Variants in MYT1L observed in about 807,000 individuals in gnomAD.
The protein encoded by MYT1L is myelin transcription factor 1-like protein.
MYT1L carries 12 observed loss-of-function variants against 126.7 expected under a neutral mutation model. The observed-to-expected ratio is 0.09, with a 90% CI of 0.06 to 0.15. MYT1L has a LOEUF of 0.15. Among genes scored for constraint, MYT1L ranks in the 10% least tolerant of loss-of-function variants. The pLI is 1.00. For missense variants in MYT1L, 979 were observed against 1,585.2 expected (o/e 0.62, Z 6.49); for synonymous variants, 541 against 604.2 (o/e 0.90, Z 1.53).
At chr2:2,047,159 T>C (rs1558844488) in intron 4 of MYT1L, among the ~76,000 whole-genome samples, 1 of 152,238 alleles carries the variant, frequency 6.6e-6, no homozygotes, top group East Asian at 1.9e-4. Context: ...CTTTCTACAT[T>C]GTCTTGAACG....
intron 2 of MYT1L, among the ~76,000 whole-genome samples, chr2:2,211,406 G>T (rs1010295460): frequency 4.0e-5 from 6 of 151,316 alleles, no homozygotes; most frequent in Non-Finnish European, 5.9e-5. Context: ...TTCATGTATC[G>T]TTTTTTTTAA....
At chr2:2,019,004 C>T (rs2064744689) in intron 4 of MYT1L, among the ~76,000 whole-genome samples, 2 of 152,106 alleles carry the variant, frequency 1.3e-5, no homozygotes, top group Admixed American at 6.5e-5. Flanking sequence ...CACCTTAGTA[C>T]AATACTAGAT....
chr2:2,168,179 T>A (rs1040483362), intron 3 of MYT1L, among the ~76,000 whole-genome samples: 4 of 151,970 alleles, frequency 2.6e-5, no homozygotes, highest in Non-Finnish European at 5.9e-5. Flanking sequence ...CAGAACGGTG[T>A]GGGCTCAACA....
intron 3 of MYT1L, among the ~76,000 whole-genome samples, chr2:2,151,980 C>T (rs574980422): frequency 4.8e-4 from 73 of 152,198 alleles, no homozygotes; most frequent in African/African-American, 1.4e-3. Flanking sequence ...CACTTGAACC[C>T]GGGAGGCAGA....
chr2:1,884,560 A>G (rs536290789), intron 18 of MYT1L, among the ~76,000 whole-genome samples: 6 of 152,340 alleles, frequency 3.9e-5, no homozygotes, highest in Admixed American at 3.9e-4. Context: ...TCATTGAAAC[A>G]TTAGTGTTTT....
Position 1,809,061 on chromosome 2 carries a change from T to A in MYT1L, c.3172+15A>T, listed in dbSNP as rs1254091010. Reference sequence around the variant, plus strand: ...TCCTGACCATGGGTGCCACGAGGGCTGGAGGGGTGCTCACCGTTGCTGGCC... The same window carrying A: ...TCCTGACCATGGGTGCCACGAGGGCAGGAGGGGTGCTCACCGTTGCTGGCC... On this transcript the variant is annotated intron_variant, in intron 22 of 24. Coordinates refer to ENST00000647738, the MANE Select transcript of MYT1L (RefSeq NM_001303052.2). The A allele has an allele frequency of 6.2e-7, 1 of 1,613,354 alleles. No homozygotes were observed. Among genetic ancestry groups the A allele is most frequent in the Non-Finnish European group, 8.5e-7 (1 of 1,179,588 alleles).
At chr2:2,112,228 T>C (rs1490451366) in intron 3 of MYT1L, among the ~76,000 whole-genome samples, 1 of 152,154 alleles carries the variant, frequency 6.6e-6, no homozygotes, top group Non-Finnish European at 1.5e-5. Context: ...CATCTCTCTA[T>C]CGAAGCTCAC....
chr2:2,319,648 C>T (rs1362020212), intron 1 of MYT1L, among the ~76,000 whole-genome samples: 1 of 152,102 alleles, frequency 6.6e-6, no homozygotes, highest in African/African-American at 2.4e-5. Flanking sequence ...GGGCCTCAGG[C>T]TTCACTCAAC....
At chr2:2,236,085 A>C (rs1351197820) in intron 2 of MYT1L, among the ~76,000 whole-genome samples, 2 of 151,626 alleles carry the variant, frequency 1.3e-5, no homozygotes, top group Admixed American at 6.6e-5. Flanking sequence ...AACCCAACCC[A>C]GTATGTCACA....
At chr2:1,870,272 C>T (rs1056382605) in intron 18 of MYT1L, among the ~76,000 whole-genome samples, 12 of 152,224 alleles carry the variant, frequency 7.9e-5, no homozygotes, top group African/African-American at 2.9e-4. Flanking sequence ...TCCCATTACG[C>T]TGATCTGAAG....
intron 4 of MYT1L, among the ~76,000 whole-genome samples, chr2:2,037,339 G>A (rs978535570): frequency 6.6e-6 from 1 of 152,104 alleles, no homozygotes; most frequent in South Asian, 2.1e-4. Flanking sequence ...TGGCTGAGAC[G>A]CCCTTTGGGG....
intron 3 of MYT1L, among the ~76,000 whole-genome samples, chr2:2,149,154 T>C (rs1334194570): frequency 6.6e-6 from 1 of 152,222 alleles, no homozygotes; most frequent in East Asian, 1.9e-4. Context: ...TTTCTCTCCC[T>C]TGGTTTCTCA....
chr2:2,260,534 T>A (rs1422753969), intron 2 of MYT1L, among the ~76,000 whole-genome samples: 1 of 152,238 alleles, frequency 6.6e-6, no homozygotes, highest in Non-Finnish European at 1.5e-5. Flanking sequence ...ATAGCAGAAC[T>A]ATCACCTACT....
At chr2:2,189,101 A>G (rs2092409246) in intron 2 of MYT1L, among the ~76,000 whole-genome samples, 1 of 152,206 alleles carries the variant, frequency 6.6e-6, no homozygotes, top group Non-Finnish European at 1.5e-5. Flanking sequence ...TTCTCCACAC[A>G]GCAGCAGGAC....
chr2:2,142,305 G>A (rs564935182), intron 3 of MYT1L, among the ~76,000 whole-genome samples: 7 of 152,186 alleles, frequency 4.6e-5, no homozygotes, highest in Non-Finnish European at 7.4e-5. Flanking sequence ...ACAGTGCCGC[G>A]AATTGTCATA....
At chr2:1,908,086 G>A (rs2051344479) in intron 13 of MYT1L, among the ~76,000 whole-genome samples, 1 of 152,250 alleles carries the variant, frequency 6.6e-6, no homozygotes, top group Non-Finnish European at 1.5e-5. Flanking sequence ...CCAGCCAGAG[G>A]CACAGAGGAG....
At chr2:2,318,969 G>A (rs527872507) in intron 1 of MYT1L, among the ~76,000 whole-genome samples, 1 of 152,174 alleles carries the variant, frequency 6.6e-6, no homozygotes, top group African/African-American at 2.4e-5. Context: ...AAATAGGCAG[G>A]TATATGCAAT....
At chr2:2,053,415 T>C (rs1574852323) in intron 4 of MYT1L, among the ~76,000 whole-genome samples, 3 of 152,326 alleles carry the variant, frequency 2.0e-5, no homozygotes, top group South Asian at 4.1e-4. Context: ...AATTTCATGT[T>C]ATATGTATTT....
Position 1,830,931 on chromosome 2 carries a change from A to G in MYT1L, c.3080+8218T>C, listed in dbSNP as rs749718950. Among the ~76,000 whole-genome samples, 7 of 152,122 alleles carry G rather than the reference A, an allele frequency of 4.6e-5. No individual in the cohort carries two copies. The East Asian group carries it at 5.8e-4, about 13-fold the overall frequency. ...ACCTCCCGCATGCACCTGCATGTCA[A>G]TGGGGCTGGAGTAAGGCTCCCACGC... is the stretch of plus-strand genomic sequence containing the variant. On this transcript the variant is annotated intron_variant, in intron 21 of 24. Coordinates refer to ENST00000647738, the MANE Select transcript of MYT1L (RefSeq NM_001303052.2).
Sources: gnomAD v4.1 joint callset for allele counts (sites outside exome capture counted in the v4.1 genomes callset) on GRCh38, gnomAD v4.1.1 for gene constraint, MANE v1.5 for transcripts, NCBI Gene and HGNC (gene_info 2026-07-23, HGNC 2026-07-21) for gene names.